TXNRD1: variants seen among roughly 807,000 people sequenced by gnomAD.
TXNRD1 encodes thioredoxin reductase 1.
In TXNRD1, 57 loss-of-function variants were observed where a neutral mutation model predicts 80.3. The observed-to-expected ratio is 0.71, with a 90% CI of 0.57 to 0.89. The LOEUF (loss-of-function observed/expected upper bound fraction) is 0.89. TXNRD1 is among the 40% of genes least tolerant of loss of function. The pLI is 0.00. For missense variants in TXNRD1, 730 were observed against 803.0 expected, an observed-to-expected ratio of 0.91 and a Z score of 1.10; for synonymous variants, 291 against 285.2, an observed-to-expected ratio of 1.02 and a Z score of -0.20.
At chr12:104,228,244 G>A (rs927599629) in intron 1 of TXNRD1, among the ~76,000 whole-genome samples, 2 of 148,700 alleles carry the variant, frequency 1.3e-5, no homozygotes, top group Non-Finnish European at 1.5e-5. Flanking sequence ...GGAGGTTGCA[G>A]TGAGCCGAGA....
chr12:104,283,845 G>A (rs1346806828), intron 3 of TXNRD1, among the ~76,000 whole-genome samples: 5 of 152,164 alleles, frequency 3.3e-5, no homozygotes, highest in African/African-American at 1.2e-4. Flanking sequence ...CCTCCAGCCA[G>A]GGCAACAAGA....
At chr12:104,248,848 T>C (rs1478712219) in intron 1 of TXNRD1, among the ~76,000 whole-genome samples, 11 of 152,004 alleles carry the variant, frequency 7.2e-5, no homozygotes, top group Non-Finnish European at 1.6e-4. Context: ...TTTTTTGAGA[T>C]AGTCTCTCGC....
chr12:104,284,574 T>G (rs558875503), intron 3 of TXNRD1, among the ~76,000 whole-genome samples: 264 of 152,334 alleles, frequency 1.7e-3, no homozygotes, highest in Middle Eastern at 6.8e-3. Context: ...TTCAGGAACA[T>G]AGAGAGGTCT....
intron 1 of TXNRD1, among the ~76,000 whole-genome samples, chr12:104,223,992 G>A (rs746406635): frequency 1.3e-5 from 2 of 152,212 alleles, no homozygotes; most frequent in Non-Finnish European, 2.9e-5. Context: ...TTTTGCATAG[G>A]CACTGATGCA....
chr12:104,229,144 CTTTTTTT>C (rs56077479), intron 1 of TXNRD1, among the ~76,000 whole-genome samples: 1 of 106,088 alleles, frequency 9.4e-6, no homozygotes, highest in African/African-American at 4.1e-5. Flanking sequence ...CATTACTTTT[CTTTTTTT>C]TTTTTTTTTT....
intron 4 of TXNRD1, among the ~76,000 whole-genome samples, chr12:104,307,508 A>G (rs2034966435): frequency 6.6e-6 from 1 of 152,220 alleles, no homozygotes; most frequent in Admixed American, 6.5e-5. Flanking sequence ...AAACTCAGCC[A>G]TTTGATGAGG....
In TXNRD1 at chr12:104,339,183, A is replaced by C. The variant is rs373217616; in HGVS notation, c.1791A>C (p.Glu597Asp). 67 of 1,613,924 alleles carry C rather than the reference A, an allele frequency of 4.2e-5. No homozygotes were observed. The highest frequency in any genetic ancestry group is 5.3e-5 in the Non-Finnish European group (62 of 1,179,918). Residue 597 changes from glutamate to aspartate, a missense_variant, in exon 16 of 17, where the codon GAA (glutamate) becomes GAC (aspartate). Glu to Asp is a conservative substitution (Grantham distance 45). Transcript: ENST00000525566. ...GFHVLGPNAGEVTQGFAAALK... is the reference protein window; with the variant it reads ...GFHVLGPNAGDVTQGFAAALK... ...ACGTACTGGGTCCAAATGCTGGAGA[A>C]GTTACACAAGGCTTTGCAGCTGCGC...
chr12:104,287,493 A>G (rs1471556002), intron 3 of TXNRD1: 5 of 1,606,488 alleles, frequency 3.1e-6, no homozygotes, highest in Non-Finnish European at 4.2e-6. Context: ...TGTTGAGTGG[A>G]CTGACAGATC....
chr12:104,262,566 T>C (rs1046145017), intron 3 of TXNRD1: 2 of 152,204 alleles, frequency 1.3e-5, no homozygotes, highest in Non-Finnish European at 2.9e-5. Context: ...CTACGTAATC[T>C]TCCCAGGGCC....
intron 5 of TXNRD1, among the ~76,000 whole-genome samples, chr12:104,312,873 A>G (rs1433555072): frequency 1.3e-5 from 2 of 152,224 alleles, no homozygotes; most frequent in African/African-American, 2.4e-5. Context: ...GCTGTAGACT[A>G]TCAGTAAACC....
intron 2 of TXNRD1, among the ~76,000 whole-genome samples, chr12:104,253,218 A>G (rs11111953): frequency 0.34 from 52,224 of 151,962 alleles, 10,922 homozygotes; most frequent in Non-Finnish European, 0.47. Context: ...CCAAGTAAAG[A>G]AAAAGGAAGG....
At chr12:104,258,198 C>T (rs2033296827) in intron 3 of TXNRD1, 119 bp downstream of exon 3, 3 of 730,886 alleles carry the variant, frequency 4.1e-6, no homozygotes, top group African/African-American at 1.8e-5. Context: ...CACTTGCTAG[C>T]TGATTCTTCT....
At chr12:104,285,110 G>C (rs2033944426) in intron 3 of TXNRD1, among the ~76,000 whole-genome samples, 1 of 152,172 alleles carries the variant, frequency 6.6e-6, no homozygotes, top group Non-Finnish European at 1.5e-5. Flanking sequence ...GGGAGGTGGA[G>C]GTTGCAGTGA....
chr12:104,319,028 G>A lies in TXNRD1; in HGVS notation c.846G>A (p.Gly282=), dbSNP rs932908579. ...EKKVVYENAY[G]QFIGPHRIKA... is the part of the protein sequence containing the mutation. ...AAGTCGTCTATGAGAATGCTTATGG[G>A]CAATTTATTGGTCCTCACAGGATTA... Residue 282 remains glycine, a synonymous_variant, in exon 8 of 17, where the codon GGG becomes GGA. Transcript: ENST00000525566. The A allele has an allele frequency of 2.5e-6, 4 of 1,613,650 alleles. No individual in the cohort carries two copies. The highest frequency in any genetic ancestry group is 3.4e-6 in the Non-Finnish European group (4 of 1,179,856).
intron 1 of TXNRD1, among the ~76,000 whole-genome samples, chr12:104,231,148 G>T (rs557912148): frequency 6.6e-6 from 1 of 152,176 alleles, no homozygotes; most frequent in Admixed American, 6.5e-5. Context: ...ACTTCCCAAG[G>T]ACCCCTTTTC....
In TXNRD1 at chr12:104,216,286, C is replaced by T. The variant is rs115824055; in HGVS notation, c.91+393C>T. ...TTCCAATGAAAGGTTACGGGGGAAG[C>T]GACCAAACCGACAGCCGAGTCCGGG... On this transcript the variant is annotated intron_variant, in intron 1 of 16. Transcript: ENST00000525566. Among the ~76,000 whole-genome samples, 907 of 152,376 alleles carry T rather than the reference C, an allele frequency of 6.0e-3. 12 individuals carry two copies. Among genetic ancestry groups the T allele is most frequent in the African/African-American group, 0.02 (852 of 41,604 alleles).
chr12:104,300,760 C>T (rs1428546454), intron 4 of TXNRD1, among the ~76,000 whole-genome samples: 4 of 152,178 alleles, frequency 2.6e-5, no homozygotes, highest in Non-Finnish European at 5.9e-5. Context: ...GCAACCTCTG[C>T]CTCCCAGGTT....
chr12:104,224,335 A>G (rs2032424276), intron 1 of TXNRD1, among the ~76,000 whole-genome samples: 2 of 152,024 alleles, frequency 1.3e-5, no homozygotes, highest in Admixed American at 1.3e-4. Flanking sequence ...CATATAGTGT[A>G]TTGTGTAGCA....
chr12:104,267,896 C>G (rs2033568175), intron 3 of TXNRD1, among the ~76,000 whole-genome samples: 1 of 148,416 alleles, frequency 6.7e-6, no homozygotes, highest in Non-Finnish European at 1.5e-5. Flanking sequence ...GTTGCCCTGG[C>G]TGGAGTGCAA....
Sources: allele counts gnomAD v4.1 joint callset (sites outside exome capture counted in the v4.1 genomes callset), GRCh38; gene constraint gnomAD v4.1.1; transcripts MANE v1.5; gene names NCBI Gene and HGNC (gene_info 2026-07-23, HGNC 2026-07-21).